The following RELN variants were observed in gnomAD, a reference collection of about 807,000 sequenced individuals.
RELN encodes reelin.
RELN carries 108 observed loss-of-function variants against 427.6 expected under a neutral mutation model. The observed-to-expected ratio is 0.25, with a 90% CI of 0.22 to 0.30. The LOEUF is 0.30. RELN is among the 10% of genes least tolerant of loss of function. The probability of loss-of-function intolerance (pLI) is 1.00; values close to 1 mark genes in which losing one functional copy is unlikely to be tolerated. For synonymous variants in RELN, 1,524 were observed against 1,513.4 expected, an observed-to-expected ratio of 1.01 and a Z score of -0.16; for missense variants, 3,715 against 4,302.8, an observed-to-expected ratio of 0.86 and a Z score of 3.82.
Position 103,706,636 on chromosome 7 carries a change from CTTT to C in RELN, c.806-5633_806-5631del, listed in dbSNP as rs201076114. Among the ~76,000 whole-genome samples, 806 of 149,386 alleles carry C rather than the reference CTTT, an allele frequency of 5.4e-3. 4 individuals carry two copies. The highest frequency in any genetic ancestry group is 0.02 in the African/African-American group (774 of 39,028). The stretch of plus-strand genomic sequence containing the variant: ...TACAAAACACCCTTTCTTCTTGTTT[CTTT>C]ATCTTTTTTTTTTCAATAGTGCTAC... On this transcript the variant is annotated intron_variant, in intron 8 of 64. Transcript: ENST00000428762.
At chr7:103,535,219 C>A in intron 46 of RELN, 97 bp downstream of exon 46, 5 of 1,172,368 alleles carry the variant, frequency 4.3e-6, no homozygotes, top group Non-Finnish European at 5.1e-6. Context: ...ATTAACAAAA[C>A]CCTCACATAT....
chr7:103,615,265 C>T (rs1832054330), intron 20 of RELN, among the ~76,000 whole-genome samples: 1 of 152,182 alleles, frequency 6.6e-6, no homozygotes, highest in Admixed American at 6.5e-5. Context: ...TTTATTCCCA[C>T]CTCCAAGAAG....
intron 20 of RELN, chr7:103,627,950 C>G (rs545215037): frequency 2.6e-5 from 4 of 152,256 alleles, no homozygotes; most frequent in African/African-American, 9.6e-5. Flanking sequence ...AATTAAAATG[C>G]TCAGCAACTT....
intron 8 of RELN, among the ~76,000 whole-genome samples, chr7:103,722,110 G>A (rs1040811212): frequency 6.6e-5 from 10 of 152,086 alleles, no homozygotes; most frequent in African/African-American, 2.4e-4. Flanking sequence ...ACTGTCAACT[G>A]GAGAAGAAAA....
At chr7:103,805,074 GA>G (rs57198861) in intron 3 of RELN, among the ~76,000 whole-genome samples, 39,802 of 148,116 alleles carry the variant, frequency 0.27, 5,289 homozygotes, top group East Asian at 0.35. Flanking sequence ...AGGTTGAGTG[GA>G]AAAAAAAAAC....
intron 6 of RELN, among the ~76,000 whole-genome samples, chr7:103,729,575 A>G (rs1790301253): frequency 6.6e-6 from 1 of 152,204 alleles, no homozygotes; most frequent in African/African-American, 2.4e-5. Flanking sequence ...ATCTCATAGC[A>G]TCACAATTCT....
chr7:103,728,225 A>G lies in RELN; in HGVS notation c.657-18T>C. On this transcript the variant is annotated intron_variant, in intron 6 of 64. Transcript: ENST00000428762. ...ATTCAACCCTGCAGGAAAACAGAAC[A>G]CAGTCCCCGTCTGAGAACTAAGTAG... is the stretch of plus-strand genomic sequence containing the variant. The G allele has an allele frequency of 6.2e-7, 1 of 1,612,552 alleles. No homozygotes were observed. The highest frequency in any genetic ancestry group is 8.5e-7 in the Non-Finnish European group (1 of 1,178,826).
At chr7:103,498,514 C>T (rs1484989654) in intron 53 of RELN, among the ~76,000 whole-genome samples, 2 of 150,534 alleles carry the variant, frequency 1.3e-5, no homozygotes, top group African/African-American at 2.4e-5. Flanking sequence ...TTTTTTGAGA[C>T]GAAGTCTTGC....
At chr7:103,493,502 ATTGT>A (rs1828733353) in intron 57 of RELN, among the ~76,000 whole-genome samples, 1 of 152,128 alleles carries the variant, frequency 6.6e-6, no homozygotes, top group Non-Finnish European at 1.5e-5. Context: ...TATTGAATTA[ATTGT>A]TAGCCAGTCA....
chr7:103,862,279 G>T (rs895042665), intron 2 of RELN, among the ~76,000 whole-genome samples: 1 of 152,174 alleles, frequency 6.6e-6, no homozygotes, highest in Admixed American at 6.6e-5. Context: ...CTGAGTATTT[G>T]TATGTGATTG....
chr7:103,601,454 A>G (rs533729730), intron 24 of RELN, among the ~76,000 whole-genome samples: 1 of 152,176 alleles, frequency 6.6e-6, no homozygotes, highest in Non-Finnish European at 1.5e-5. Context: ...TTGTATTTGC[A>G]TAAATTAACA....
At chr7:103,713,371 C>G (rs566208972) in intron 8 of RELN, among the ~76,000 whole-genome samples, 86 of 152,306 alleles carry the variant, frequency 5.6e-4, no homozygotes, top group African/African-American at 2.0e-3. Flanking sequence ...TAGAGCAACT[C>G]TTAGCAGGAT....
Position 103,988,985 on chromosome 7 carries a change from C to T in RELN, c.226+146G>A, listed in dbSNP as rs1405217635. On this transcript the variant is annotated intron_variant, in intron 1 of 64. Coordinates refer to ENST00000428762, the MANE Select transcript of RELN (RefSeq NM_005045.4). This position sits in a 1 kb window ranked among gnomAD's most constrained non-coding sequence, Gnocchi z 4.9. Reference sequence around the variant, plus strand: ...GACTCCATTCTCCACTAACTTTATTCTCGCTCCCTGGACCAAGCGCATCGC... The same window carrying T: ...GACTCCATTCTCCACTAACTTTATTTTCGCTCCCTGGACCAAGCGCATCGC... 4.3e-6 allele frequency: 3 copies of T among 703,008 alleles called. No individual in the cohort carries two copies. The highest frequency in any genetic ancestry group is 7.4e-6 in the Non-Finnish European group (3 of 405,380). 43.5% of individuals were successfully genotyped at this position (703,008 alleles called of 1,614,324 possible). A position where few individuals can be genotyped will look rare whatever the true frequency, so the allele number is the denominator to read the frequency against.
At chr7:103,892,017 G>C (rs773179852) in intron 2 of RELN, among the ~76,000 whole-genome samples, 1 of 152,202 alleles carries the variant, frequency 6.6e-6, no homozygotes, top group African/African-American at 2.4e-5. Flanking sequence ...GGAAGCAACT[G>C]TCCCATCTAG....
chr7:103,775,571 T>C (rs530513338), intron 4 of RELN, among the ~76,000 whole-genome samples: 24 of 152,314 alleles, frequency 1.6e-4, no homozygotes, highest in African/African-American at 5.8e-4. Context: ...AGAAATTTCC[T>C]TTAAATTCAG....
intron 6 of RELN, among the ~76,000 whole-genome samples, chr7:103,743,726 A>G (rs1790734744): frequency 6.6e-6 from 1 of 152,202 alleles, no homozygotes; most frequent in Non-Finnish European, 1.5e-5. Context: ...TCCTAAATAT[A>G]TATGCACCCA....
At chr7:103,548,416 T>C (rs551350887) in intron 41 of RELN, among the ~76,000 whole-genome samples, 70 of 152,328 alleles carry the variant, frequency 4.6e-4, no homozygotes, top group African/African-American at 1.6e-3. Flanking sequence ...GTTCACTGAG[T>C]TGGAGAAAAT....
intron 11 of RELN, among the ~76,000 whole-genome samples, chr7:103,665,068 T>C (rs1236875067): frequency 6.6e-6 from 1 of 152,158 alleles, no homozygotes; most frequent in African/African-American, 2.4e-5. Flanking sequence ...TTTAAAGCTT[T>C]GCTTTTCACA....
chr7:103,790,276 A>G (rs1217810860), intron 3 of RELN, among the ~76,000 whole-genome samples: 1 of 152,186 alleles, frequency 6.6e-6, no homozygotes, highest in African/African-American at 2.4e-5. Context: ...TGGCACATGT[A>G]TAACTATGTA....
Sources: allele counts gnomAD v4.1 joint callset (sites outside exome capture counted in the v4.1 genomes callset), GRCh38; gene constraint gnomAD v4.1.1; non-coding constraint Gnocchi (gnomAD v3.1); transcripts MANE v1.5; gene names NCBI Gene and HGNC (gene_info 2026-07-23, HGNC 2026-07-21).